ABTB3: variants seen among roughly 807,000 people sequenced by gnomAD.
The protein encoded by ABTB3 is ankyrin repeat- and BTB/POZ domain-containing protein 3.
the ABTB3 span, among the ~76,000 whole-genome samples, chr12:107,378,020 G>C: frequency 6.6e-6 from 1 of 152,204 alleles, no homozygotes; most frequent in African/African-American, 2.4e-5. Flanking sequence ...GCGAAAAAGT[G>C]GGGAACATAA....
the ABTB3 span, among the ~76,000 whole-genome samples, chr12:107,453,507 C>T: frequency 3.5e-4 from 54 of 152,292 alleles, 1 homozygote; most frequent in Middle Eastern, 0.017. Context: ...GGCCAGGAAT[C>T]GGGCCCTTGC....
At chr12:107,415,572 G>C in the ABTB3 span, among the ~76,000 whole-genome samples, 1 of 151,820 alleles carries the variant, frequency 6.6e-6, no homozygotes, top group Non-Finnish European at 1.5e-5. Flanking sequence ...GCCAGGCATG[G>C]TGGCAGGTGC....
At chr12:107,553,860 A>C in the ABTB3 span, among the ~76,000 whole-genome samples, 4 of 152,180 alleles carry the variant, frequency 2.6e-5, no homozygotes, top group African/African-American at 9.7e-5. Flanking sequence ...GAATCACTTG[A>C]ACCCGGGAGG....
the ABTB3 span, among the ~76,000 whole-genome samples, chr12:107,401,596 T>A: frequency 2.6e-5 from 4 of 152,204 alleles, no homozygotes; most frequent in African/African-American, 9.7e-5. Flanking sequence ...TAAAGGCTGG[T>A]GCTTGATCTT....
the ABTB3 span, among the ~76,000 whole-genome samples, chr12:107,324,698 T>C: frequency 6.6e-6 from 1 of 152,018 alleles, no homozygotes; most frequent in Non-Finnish European, 1.5e-5. Context: ...TTGTGCATTT[T>C]ACTGTATTGT....
the ABTB3 span, among the ~76,000 whole-genome samples, chr12:107,592,711 G>A: frequency 1.5e-4 from 23 of 152,322 alleles, no homozygotes; most frequent in African/African-American, 5.3e-4. Context: ...ATTTATATAT[G>A]TAGTAAAAAG....
the ABTB3 span, among the ~76,000 whole-genome samples, chr12:107,589,128 A>G: frequency 1.3e-5 from 2 of 152,248 alleles, no homozygotes; most frequent in Non-Finnish European, 2.9e-5. Context: ...ATTAGATGAA[A>G]TAATGTGTAC....
At chr12:107,360,314 G>C in the ABTB3 span, among the ~76,000 whole-genome samples, 1 of 152,124 alleles carries the variant, frequency 6.6e-6, no homozygotes, top group Admixed American at 6.5e-5. Context: ...AGCTCATCAG[G>C]GGCTTTGAGG....
the ABTB3 span, among the ~76,000 whole-genome samples, chr12:107,636,107 G>A: frequency 6.6e-6 from 1 of 152,152 alleles, no homozygotes; most frequent in Admixed American, 6.5e-5. Context: ...TGCAATATCA[G>A]TAGAGGGTGA....
the ABTB3 span, among the ~76,000 whole-genome samples, chr12:107,341,663 G>C: frequency 1.3e-5 from 2 of 152,202 alleles, no homozygotes; most frequent in Non-Finnish European, 2.9e-5. Flanking sequence ...TTGAAAACCA[G>C]TGGGTGAAGT....
chr12:107,558,238 G>T, the ABTB3 span, among the ~76,000 whole-genome samples: 1 of 152,190 alleles, frequency 6.6e-6, no homozygotes, highest in Admixed American at 6.5e-5. Flanking sequence ...CGTTTGCAGA[G>T]GTGCAGCTGT....
the ABTB3 span, chr12:107,520,473 C>A: frequency 6.2e-7 from 1 of 1,611,822 alleles, no homozygotes; most frequent in Non-Finnish European, 8.5e-7. Context: ...TCTCTGTCTC[C>A]CTTCTGACTG....
chr12:107,575,345 T>C, the ABTB3 span, among the ~76,000 whole-genome samples: 88 of 152,084 alleles, frequency 5.8e-4, no homozygotes, highest in Non-Finnish European at 9.8e-4. Flanking sequence ...TTGGTGATGA[T>C]GATAATAACA....
chr12:107,408,702 G>C, the ABTB3 span, among the ~76,000 whole-genome samples: 1 of 152,370 alleles, frequency 6.6e-6, no homozygotes, highest in Non-Finnish European at 1.5e-5. Flanking sequence ...GGTATCTTGA[G>C]ACCACCCCTG....
At chr12:107,444,624 T>A in the ABTB3 span, among the ~76,000 whole-genome samples, 1 of 152,082 alleles carries the variant, frequency 6.6e-6, no homozygotes, top group African/African-American at 2.4e-5. Flanking sequence ...TGAGCAGTCA[T>A]AAGGGAGGTG....
At chr12:107,439,201 T>C in the ABTB3 span, among the ~76,000 whole-genome samples, 2 of 152,210 alleles carry the variant, frequency 1.3e-5, no homozygotes, top group African/African-American at 4.8e-5. Context: ...CTGCTTTTTT[T>C]TTCTTCTTCT....
the ABTB3 span, among the ~76,000 whole-genome samples, chr12:107,605,396 C>G: frequency 6.6e-6 from 1 of 152,200 alleles, no homozygotes; most frequent in Non-Finnish European, 1.5e-5. Flanking sequence ...CTGGAGAGCC[C>G]TGGCTTGTAT....
At chr12:107,536,485 A>G in the ABTB3 span, among the ~76,000 whole-genome samples, 1 of 152,142 alleles carries the variant, frequency 6.6e-6, no homozygotes, top group East Asian at 1.9e-4. Flanking sequence ...GTTGCAAACT[A>G]TTCACCTGAC....
the ABTB3 span, among the ~76,000 whole-genome samples, chr12:107,624,304 G>T: frequency 6.6e-6 from 1 of 151,874 alleles, no homozygotes; most frequent in Non-Finnish European, 1.5e-5. Flanking sequence ...GATTCATGAA[G>T]TTGTAAAAAA....
Sources: allele counts gnomAD v4.1 joint callset (sites outside exome capture counted in the v4.1 genomes callset), GRCh38; gene constraint gnomAD v4.1.1; transcripts MANE v1.5; gene names NCBI Gene and HGNC (gene_info 2026-07-23, HGNC 2026-07-21).